Variants in ST18 observed in about 807,000 individuals in gnomAD.
ST18 encodes the protein ST18 C2H2C-type zinc finger transcription factor.
ST18 carries 50 observed loss-of-function variants against 110.0 expected under a neutral mutation model. The observed-to-expected ratio is 0.45, with a 90% confidence interval of 0.36 to 0.58. ST18 has a LOEUF of 0.58. Among genes scored for constraint, ST18 ranks in the 20% least tolerant of loss-of-function variants. ST18 has a pLI of 0.00. For synonymous variants in ST18, 461 were observed against 452.4 expected (o/e 1.02, Z -0.24); for missense variants, 1,306 against 1,280.1 (o/e 1.02, Z -0.31).
chr8:52,386,566 T>G (rs916659961), intron 2 of ST18, among the ~76,000 whole-genome samples: 4 of 152,176 alleles, frequency 2.6e-5, no homozygotes, highest in African/African-American at 7.2e-5. Flanking sequence ...AATTGTTAGT[T>G]TTATAAAGCA....
chr8:52,282,990 G>A (rs2095411972), intron 2 of ST18, among the ~76,000 whole-genome samples: 1 of 152,172 alleles, frequency 6.6e-6, no homozygotes, highest in Admixed American at 6.5e-5. Flanking sequence ...AAGAAAACAA[G>A]AGTGGAAGCA....
chr8:52,379,827 C>T (rs968309988), intron 2 of ST18, among the ~76,000 whole-genome samples: 8 of 152,082 alleles, frequency 5.3e-5, no homozygotes, highest in Non-Finnish European at 8.8e-5. Context: ...TCATAACTGC[C>T]TAAGATTAAC....
intron 2 of ST18, among the ~76,000 whole-genome samples, chr8:52,260,445 C>T (rs1452752006): frequency 1.5e-5 from 2 of 137,776 alleles, no homozygotes; most frequent in Non-Finnish European, 2.9e-5. Flanking sequence ...CATGTGGCAT[C>T]ACCAGCTGCA....
intron 11 of ST18, among the ~76,000 whole-genome samples, chr8:52,165,670 C>A (rs557021052): frequency 2.8e-4 from 43 of 152,280 alleles, no homozygotes; most frequent in African/African-American, 9.4e-4. Context: ...CCGCTACTCC[C>A]CACACCCCAC....
chr8:52,348,161 G>A (rs7014926), intron 2 of ST18, among the ~76,000 whole-genome samples: 149,831 of 152,252 alleles, frequency 0.98, 73,769 homozygotes, highest in Middle Eastern at 1. Context: ...GGAGAAATAA[G>A]TATCACATGT....
intron 15 of ST18, among the ~76,000 whole-genome samples, chr8:52,156,732 T>C (rs976064210): frequency 6.6e-6 from 1 of 152,214 alleles, no homozygotes; most frequent in Admixed American, 6.5e-5. Context: ...TGTGTGCAAA[T>C]GTGTGCACGT....
At chr8:52,379,210 G>T (rs1166717602) in intron 2 of ST18, among the ~76,000 whole-genome samples, 1 of 150,612 alleles carries the variant, frequency 6.6e-6, no homozygotes. Flanking sequence ...CGATTCTCCT[G>T]CCTCAGCCCC....
intron 23 of ST18, among the ~76,000 whole-genome samples, chr8:52,120,590 T>G (rs1254392260): frequency 6.6e-6 from 1 of 151,792 alleles, no homozygotes; most frequent in African/African-American, 2.4e-5. Flanking sequence ...GGGAAGGGAG[T>G]GAGTGCCCCA....
chr8:52,110,884 G>T lies in ST18; in HGVS notation c.*2314C>A. The T allele has an allele frequency of 2.6e-6, 1 of 389,832 alleles. No individual in the cohort carries two copies. The highest frequency in any genetic ancestry group is 1.4e-4 in the South Asian group (1 of 7,018). 24.1% of individuals were successfully genotyped at this position (389,832 alleles called of 1,614,324 possible). A position where few individuals can be genotyped will look rare whatever the true frequency, so the allele number is the denominator to read the frequency against. ...TACCATACACCAAATGTACAGCACT[G>T]AACACAATTTTGTTGCTTTGATGTA... is the stretch of plus-strand genomic sequence containing the variant. On this transcript the variant is annotated 3_prime_UTR_variant, in exon 26 of 26. Transcript: ENST00000689386.
chr8:52,196,390 C>A (rs1169098331), intron 8 of ST18, among the ~76,000 whole-genome samples: 1 of 152,202 alleles, frequency 6.6e-6, no homozygotes, highest in Non-Finnish European at 1.5e-5. Context: ...GCTTCATTCA[C>A]CCCACCACGT....
At chr8:52,156,861 A>G (rs556628715) in intron 15 of ST18, among the ~76,000 whole-genome samples, 1 of 152,336 alleles carries the variant, frequency 6.6e-6, no homozygotes, top group South Asian at 2.1e-4. Flanking sequence ...GACAATTTTC[A>G]TGGGAAAATG....
chr8:52,185,555 T>C (rs1254695687), intron 8 of ST18, among the ~76,000 whole-genome samples: 1 of 152,154 alleles, frequency 6.6e-6, no homozygotes, highest in Non-Finnish European at 1.5e-5. Context: ...AGATGAGGTA[T>C]TATTGGTGCA....
chr8:52,172,379 C>A lies in ST18; in HGVS notation c.482G>T (p.Ser161Ile). The A allele has an allele frequency of 6.2e-7, 1 of 1,614,068 alleles. No individual in the cohort carries two copies. Among genetic ancestry groups the A allele is most frequent in the Non-Finnish European group, 8.5e-7 (1 of 1,180,008 alleles). Reference protein sequence around the residue: ...DSGIQSLKAESDEADECFLIH... With the variant: ...DSGIQSLKAEIDEADECFLIH... ...CAGAAAGCACTCGTCTGCTTCATCG[C>A]TCTCTGCTTTTAAAGACTGGATGCC... Residue 161 changes from serine to isoleucine, a missense_variant, in exon 10 of 26, where the codon AGC (serine) becomes ATC (isoleucine). Physicochemically the swap from Ser to Ile is moderately radical, Grantham distance 142. Transcript: ENST00000689386.
chr8:52,305,765 C>T (rs139246976), intron 2 of ST18, among the ~76,000 whole-genome samples: 40 of 152,302 alleles, frequency 2.6e-4, no homozygotes, highest in African/African-American at 4.6e-4. Context: ...TTTCTCACCA[C>T]CTCCAGGATG....
At chr8:52,229,002 G>C (rs941635078) in intron 3 of ST18, among the ~76,000 whole-genome samples, 1 of 152,128 alleles carries the variant, frequency 6.6e-6, no homozygotes, top group Non-Finnish European at 1.5e-5. Flanking sequence ...GATGAAGAAG[G>C]GGTGTCACAA....
intron 2 of ST18, among the ~76,000 whole-genome samples, chr8:52,278,776 CAAT>C (rs1191328523): frequency 6.6e-6 from 1 of 152,192 alleles, no homozygotes; most frequent in Non-Finnish European, 1.5e-5. Flanking sequence ...CACCTTCAAA[CAAT>C]AATAATAACT....
intron 2 of ST18, among the ~76,000 whole-genome samples, chr8:52,327,385 C>T (rs1806996069): frequency 1.3e-5 from 2 of 152,182 alleles, no homozygotes; most frequent in South Asian, 4.1e-4. Flanking sequence ...TCTCAACTCA[C>T]CAAGAGAGAG....
intron 2 of ST18, among the ~76,000 whole-genome samples, chr8:52,333,899 A>G (rs1456118409): frequency 6.6e-6 from 1 of 151,634 alleles, no homozygotes; most frequent in Non-Finnish European, 1.5e-5. Context: ...AAGTTTCTGC[A>G]AAGTCTCAGA....
chr8:52,408,387 C>T (rs1161366468), intron 2 of ST18, among the ~76,000 whole-genome samples: 1 of 152,226 alleles, frequency 6.6e-6, no homozygotes, highest in Non-Finnish European at 1.5e-5. Flanking sequence ...ATCAGAAGCT[C>T]TTCCTGACTG....
Sources: allele counts gnomAD v4.1 joint callset (sites outside exome capture counted in the v4.1 genomes callset), GRCh38; gene constraint gnomAD v4.1.1; transcripts MANE v1.5; gene names NCBI Gene and HGNC (gene_info 2026-07-23, HGNC 2026-07-21).